CFAP61: variants seen among roughly 807,000 people sequenced by gnomAD.
CFAP61 encodes the protein cilia and flagella associated protein 61.
CFAP61 carries 107 observed loss-of-function variants against 135.6 expected under a neutral mutation model. The ratio of observed to expected loss-of-function variants is 0.79; its 90% confidence interval spans 0.67 to 0.93. The LOEUF (loss-of-function observed/expected upper bound fraction) is 0.93. Ranked by LOEUF, CFAP61 falls within the 40% of genes least tolerant of loss-of-function variation. CFAP61 has a pLI of 0.00. For synonymous variants in CFAP61, 575 were observed against 578.5 expected (o/e 0.99, Z 0.09); for missense variants, 1,507 against 1,556.2 (o/e 0.97, Z 0.53).
intron 6 of CFAP61, among the ~76,000 whole-genome samples, chr20:20,083,523 ATTC>A (rs1376270903): frequency 6.6e-6 from 1 of 152,230 alleles, no homozygotes; most frequent in African/African-American, 2.4e-5. Flanking sequence ...TGAAAAAAAC[ATTC>A]TTTAAGATTT....
chr20:20,342,929 C>G (rs1411459778), intron 26 of CFAP61, among the ~76,000 whole-genome samples: 1 of 151,698 alleles, frequency 6.6e-6, no homozygotes, highest in Non-Finnish European at 1.5e-5. Flanking sequence ...GGCGTGATCT[C>G]AGCTCACTCC....
At chr20:20,102,104 C>A (rs942869676) in intron 8 of CFAP61, among the ~76,000 whole-genome samples, 1 of 152,226 alleles carries the variant, frequency 6.6e-6, no homozygotes, top group African/African-American at 2.4e-5. Context: ...GCCACTCTGA[C>A]CTATGCAGGG....
intron 9 of CFAP61, 60 bp downstream of exon 9, chr20:20,143,008 A>C: frequency 1.0e-6 from 1 of 982,496 alleles, no homozygotes; most frequent in Non-Finnish European, 1.6e-6. Flanking sequence ...GCTACCTGTG[A>C]CATCAGGGGC....
At chr20:20,179,201 T>C (rs1284299197) in intron 13 of CFAP61, among the ~76,000 whole-genome samples, 3 of 152,140 alleles carry the variant, frequency 2.0e-5, no homozygotes, top group Non-Finnish European at 2.9e-5. Flanking sequence ...AAAATCAATG[T>C]GCAAAAATCA....
At chr20:20,273,005 C>T (rs1027725604) in intron 21 of CFAP61, among the ~76,000 whole-genome samples, 2 of 151,724 alleles carry the variant, frequency 1.3e-5, no homozygotes, top group Admixed American at 6.6e-5. Flanking sequence ...TATCAGCCTC[C>T]TGAGTAACTA....
At chr20:20,321,271 C>T (rs1224930663) in intron 25 of CFAP61, among the ~76,000 whole-genome samples, 5 of 152,060 alleles carry the variant, frequency 3.3e-5, no homozygotes, top group South Asian at 2.1e-4. Flanking sequence ...TCTGGTGATT[C>T]TCTTCAAAAT....
intron 8 of CFAP61, among the ~76,000 whole-genome samples, chr20:20,103,224 TAA>T (rs929416074): frequency 6.6e-6 from 1 of 151,424 alleles, no homozygotes. Flanking sequence ...GGTTCTACCT[TAA>T]AAAAAAAGTT....
At chr20:20,071,781 A>G (rs1026401015) in intron 3 of CFAP61, among the ~76,000 whole-genome samples, 9 of 152,202 alleles carry the variant, frequency 5.9e-5, no homozygotes, top group Non-Finnish European at 1.3e-4. Context: ...CATATTATTC[A>G]GCATTTATTT....
At chr20:20,274,290 G>A (rs1356997392) in intron 21 of CFAP61, among the ~76,000 whole-genome samples, 1 of 152,200 alleles carries the variant, frequency 6.6e-6, no homozygotes, top group African/African-American at 2.4e-5. Context: ...GTAAATGTGA[G>A]CAGTGTTGCA....
chr20:20,302,428 G>A (rs1461892559), intron 25 of CFAP61, among the ~76,000 whole-genome samples: 4 of 152,186 alleles, frequency 2.6e-5, no homozygotes, highest in Non-Finnish European at 4.4e-5. Flanking sequence ...TTGGGAGGCC[G>A]AGGCGGGCAG....
At chr20:20,231,594 T>A (rs532990209) in intron 18 of CFAP61, among the ~76,000 whole-genome samples, 2 of 152,114 alleles carry the variant, frequency 1.3e-5, no homozygotes, top group East Asian at 3.9e-4. Context: ...AGCTAATTGG[T>A]TCCCTCCCCC....
At chr20:20,278,264 T>TA (rs2053923357) in intron 22 of CFAP61, among the ~76,000 whole-genome samples, 1 of 152,204 alleles carries the variant, frequency 6.6e-6, no homozygotes, top group African/African-American at 2.4e-5. Flanking sequence ...ATGCTGCCAT[T>TA]AACCTCTTAA....
chr20:20,332,672 T>C (rs1426410277), intron 25 of CFAP61, among the ~76,000 whole-genome samples: 2 of 152,236 alleles, frequency 1.3e-5, no homozygotes, highest in Non-Finnish European at 2.9e-5. Context: ...GCTTGAGTTC[T>C]GTGGCATGAT....
rs926575307 is a variant in CFAP61, at chr20:20,293,224, C to T, written c.3216+2833C>T. 3.3e-5 allele frequency among the ~76,000 whole-genome samples: 5 copies of T among 152,212 alleles called. No homozygotes were observed. In the East Asian group the frequency reaches 5.8e-4, roughly 18 times the overall value. On this transcript the variant is annotated intron_variant, in intron 24 of 26. Transcript: ENST00000245957. ...GCGGCATCGTTTATTTATGAGCCACCGACTCTCTCTAAATAAAGTCAGAGG... is the reference window on the plus strand; with the variant it reads ...GCGGCATCGTTTATTTATGAGCCACTGACTCTCTCTAAATAAAGTCAGAGG...
Position 20,359,897 on chromosome 20 carries a change from G to C in CFAP61, c.3514-313G>C, listed in dbSNP as rs1047534357. On this transcript the variant is annotated intron_variant, in intron 26 of 26. Transcript: ENST00000245957. This position sits in a 1 kb window ranked among gnomAD's most constrained non-coding sequence, Gnocchi z 4.0. Reference sequence around the variant, plus strand: ...GTTTCCAGGGCCTGGAGGATGGGAGGGTACGGAGCTGGTGTTTAATGGAGA... The same window carrying C: ...GTTTCCAGGGCCTGGAGGATGGGAGCGTACGGAGCTGGTGTTTAATGGAGA... 3.3e-5 allele frequency among the ~76,000 whole-genome samples: 5 copies of C among 152,100 alleles called. No homozygotes were observed. Among genetic ancestry groups the C allele is most frequent in the Non-Finnish European group, 5.9e-5 (4 of 68,030 alleles).
intron 6 of CFAP61, among the ~76,000 whole-genome samples, chr20:20,080,726 G>A (rs1210628941): frequency 2.0e-5 from 3 of 152,090 alleles, no homozygotes; most frequent in Non-Finnish European, 4.4e-5. Context: ...TTTCCTGGCC[G>A]GGCACAGTGG....
chr20:20,131,666 C>T (rs961063683), intron 8 of CFAP61, among the ~76,000 whole-genome samples: 1 of 151,010 alleles, frequency 6.6e-6, no homozygotes, highest in Non-Finnish European at 1.5e-5. Flanking sequence ...TTTTGTATTC[C>T]TGGGCTTATT....
intron 25 of CFAP61, among the ~76,000 whole-genome samples, chr20:20,306,518 G>A (rs967161045): frequency 6.6e-6 from 1 of 152,154 alleles, no homozygotes. Flanking sequence ...AAAGAAACAT[G>A]AGTATCCCCC....
intron 8 of CFAP61, among the ~76,000 whole-genome samples, chr20:20,142,314 G>T (rs542096812): frequency 9.9e-5 from 15 of 152,172 alleles, no homozygotes; most frequent in Non-Finnish European, 1.6e-4. Context: ...CATTGTGACC[G>T]CTGGCAGAGC....
Sources: allele counts gnomAD v4.1 joint callset (sites outside exome capture counted in the v4.1 genomes callset), GRCh38; gene constraint gnomAD v4.1.1; non-coding constraint Gnocchi (gnomAD v3.1); transcripts MANE v1.5; gene names NCBI Gene and HGNC (gene_info 2026-07-23, HGNC 2026-07-21).